GAS7: variants seen among roughly 807,000 people sequenced by gnomAD.
The protein encoded by GAS7 is growth arrest specific 7.
Under a neutral mutation model 71.1 loss-of-function variants are expected in GAS7, and 28 were observed. The observed-to-expected ratio is 0.39, with a 90% confidence interval of 0.29 to 0.54. The LOEUF is 0.54. Among genes scored for constraint, GAS7 ranks in the 20% least tolerant of loss-of-function variants. The pLI is 0.62. For missense variants in GAS7, 436 were observed against 627.8 expected, an observed-to-expected ratio of 0.69 and a Z score of 3.27; for synonymous variants, 258 against 245.8, an observed-to-expected ratio of 1.05 and a Z score of -0.46.
At chr17:10,072,195 G>T (rs1176129439) in intron 1 of GAS7, among the ~76,000 whole-genome samples, 1 of 152,042 alleles carries the variant, frequency 6.6e-6, no homozygotes, top group African/African-American at 2.4e-5. Context: ...GAAGTCATTG[G>T]CCCTGAGGAA....
chr17:10,017,749 T>C (rs1183180797), intron 2 of GAS7, among the ~76,000 whole-genome samples: 1 of 152,230 alleles, frequency 6.6e-6, no homozygotes, highest in Admixed American at 6.5e-5. Context: ...AGGGCTGCTT[T>C]CATGCTGAAA....
chr17:10,015,119 C>T (rs2071940244), intron 2 of GAS7, among the ~76,000 whole-genome samples: 2 of 151,736 alleles, frequency 1.3e-5, no homozygotes, highest in South Asian at 2.1e-4. Context: ...CGCACCACTG[C>T]ACTCCAGTCT....
intron 3 of GAS7, among the ~76,000 whole-genome samples, chr17:9,980,081 A>G (rs1025820466): frequency 1.5e-5 from 2 of 133,988 alleles, no homozygotes; most frequent in African/African-American, 4.0e-5. Flanking sequence ...TTAATAATAT[A>G]AATATAAATA....
intron 10 of GAS7, 99 bp from the exon 11 acceptor site, chr17:9,925,698 T>C (rs1392960044): frequency 2.2e-6 from 3 of 1,347,590 alleles, no homozygotes; most frequent in South Asian, 1.3e-5. Flanking sequence ...CTTTCGCCCC[T>C]TGTTTGTGTG....
chr17:10,191,874 C>CAA (rs11303007), intron 1 of GAS7, among the ~76,000 whole-genome samples: 160 of 110,352 alleles, frequency 1.4e-3, no homozygotes, highest in Middle Eastern at 5.0e-3. Context: ...GACTCCATCT[C>CAA]AAAAAAAAAA....
chr17:9,917,828 A>G (rs1208960012), intron 13 of GAS7, among the ~76,000 whole-genome samples, 173 bp downstream of exon 13: 1 of 152,216 alleles, frequency 6.6e-6, no homozygotes, highest in Non-Finnish European at 1.5e-5. Flanking sequence ...GACGTCCAGG[A>G]CAATCCTGAG....
intron 2 of GAS7, among the ~76,000 whole-genome samples, chr17:9,995,400 A>G (rs905036939): frequency 2.5e-4 from 38 of 152,162 alleles, no homozygotes; most frequent in Admixed American, 1.6e-3. Context: ...GGAAAGACCA[A>G]GAAGGGGGCC....
chr17:10,055,384 C>T (rs1036589844), intron 1 of GAS7, among the ~76,000 whole-genome samples: 1 of 152,216 alleles, frequency 6.6e-6, no homozygotes, highest in Non-Finnish European at 1.5e-5. Flanking sequence ...TGGCCATAGG[C>T]ATCCTCACTC....
intron 1 of GAS7, among the ~76,000 whole-genome samples, chr17:10,089,298 G>A (rs2073555333): frequency 1.3e-5 from 2 of 152,182 alleles, no homozygotes; most frequent in South Asian, 4.1e-4. Context: ...TAAGGTCAGG[G>A]TGAACTGGAG....
chr17:10,098,711 G>A (rs139611041), intron 1 of GAS7, among the ~76,000 whole-genome samples: 4,721 of 152,304 alleles, frequency 0.031, 228 homozygotes, highest in African/African-American at 0.11. Flanking sequence ...TGTAATCCCA[G>A]CACTTTGGGA....
intron 1 of GAS7, among the ~76,000 whole-genome samples, chr17:10,088,827 T>C (rs1384706079): frequency 6.6e-6 from 1 of 152,060 alleles, no homozygotes; most frequent in East Asian, 1.9e-4. Flanking sequence ...GGGTTCAAGC[T>C]GAACCATAGC....
In GAS7 at chr17:9,959,114, C is replaced by T. The variant is rs1597547929; in HGVS notation, c.525+88G>A. On this transcript the variant is annotated intron_variant, in intron 5 of 13. Coordinates refer to ENST00000432992, the MANE Select transcript of GAS7 (RefSeq NM_201433.2). This position sits in a 1 kb window ranked among gnomAD's most constrained non-coding sequence, Gnocchi z 5.0. ...GTTTCCAGGTTGGGCATCACTTCTG[C>T]TTGGCGGTCCACATCGCCATGGCAA... 2 of 1,467,560 alleles carry T rather than the reference C, an allele frequency of 1.4e-6. No individual in the cohort carries two copies. Among genetic ancestry groups the T allele is most frequent in the Non-Finnish European group, 1.8e-6 (2 of 1,086,590 alleles). 90.9% of individuals were successfully genotyped at this position (1,467,560 alleles called of 1,614,324 possible).
chr17:10,075,140 G>A (rs149911818), intron 1 of GAS7, among the ~76,000 whole-genome samples: 20 of 151,556 alleles, frequency 1.3e-4, no homozygotes, highest in Middle Eastern at 3.4e-3. Context: ...GGCAAATCAC[G>A]AGGTCAGGAG....
Position 9,925,526 on chromosome 17 carries a change from T to C in GAS7, c.1088A>G (p.Asn363Ser). 1.2e-6 allele frequency: 2 copies of C among 1,614,118 alleles called. No homozygotes were observed. The highest frequency in any genetic ancestry group is 2.2e-5 in the East Asian group (1 of 44,878). ...CTTCTTGATGTCCTCCTCTGTCTTG[T>C]TGCTCAGCTTGATCTCCAGCTGCTG... is the stretch of plus-strand genomic sequence containing the variant. ...KTQQLEIKLSNKTEEDIKKAR... is the reference protein window; with the variant it reads ...KTQQLEIKLSSKTEEDIKKAR... Residue 363 changes from asparagine to serine, a missense_variant, in exon 11 of 14, where the codon AAC becomes AGC. Coordinates refer to ENST00000432992, the MANE Select transcript of GAS7 (RefSeq NM_201433.2).
intron 1 of GAS7, among the ~76,000 whole-genome samples, chr17:10,037,868 A>G (rs2072785468): frequency 6.6e-6 from 1 of 152,150 alleles, no homozygotes; most frequent in Admixed American, 6.5e-5. Flanking sequence ...GGGTCCAAAA[A>G]GAGTCCAGAC....
chr17:10,056,915 A>G (rs1193344775), intron 1 of GAS7, among the ~76,000 whole-genome samples: 1 of 151,722 alleles, frequency 6.6e-6, no homozygotes, highest in African/African-American at 2.4e-5. Context: ...TCAGCCTGCC[A>G]AGTGCCTGGG....
At chr17:10,092,946 C>A (rs1373003555) in intron 1 of GAS7, among the ~76,000 whole-genome samples, 1 of 152,168 alleles carries the variant, frequency 6.6e-6, no homozygotes, top group Non-Finnish European at 1.5e-5. Flanking sequence ...ACCTCCTAGT[C>A]CCCAAATCCT....
chr17:10,124,675 G>C (rs369223099), intron 1 of GAS7, among the ~76,000 whole-genome samples: 3 of 152,176 alleles, frequency 2.0e-5, no homozygotes, highest in South Asian at 2.1e-4. Flanking sequence ...CAGCAGTTTG[G>C]GGGGGAGCTG....
intron 1 of GAS7, among the ~76,000 whole-genome samples, chr17:10,174,722 A>C (rs937649930): frequency 3.9e-5 from 6 of 152,070 alleles, no homozygotes; most frequent in African/African-American, 1.4e-4. Flanking sequence ...ATAAAAAACA[A>C]TTCTGGATTG....
Sources: gnomAD v4.1 joint callset for allele counts (sites outside exome capture counted in the v4.1 genomes callset) on GRCh38, gnomAD v4.1.1 for gene constraint, Gnocchi (gnomAD v3.1) non-coding constraint, MANE v1.5 for transcripts, NCBI Gene and HGNC (gene_info 2026-07-23, HGNC 2026-07-21) for gene names.